The following COL25A1 variants were observed in gnomAD, a reference collection of about 807,000 sequenced individuals.
COL25A1 encodes the protein collagen alpha-1(XXV) chain.
COL25A1 carries 103 observed loss-of-function variants against 128.4 expected under a neutral mutation model. The observed-to-expected ratio is 0.80, with a 90% CI of 0.68 to 0.94. The LOEUF (loss-of-function observed/expected upper bound fraction) is 0.94. COL25A1 is among the 40% of genes least tolerant of loss of function. The probability of loss-of-function intolerance (pLI) is 0.00; values close to 1 mark genes in which losing one functional copy is unlikely to be tolerated. For missense variants in COL25A1, 745 were observed against 840.0 expected (o/e 0.89, Z 1.40); for synonymous variants, 279 against 277.2 (o/e 1.01, Z -0.06).
chr4:108,839,358 G>A (rs1158199454), intron 31 of COL25A1, among the ~76,000 whole-genome samples: 1 of 152,138 alleles, frequency 6.6e-6, no homozygotes, highest in Non-Finnish European at 1.5e-5. Context: ...CACTGGCATG[G>A]CATAAAAAGT....
At chr4:108,870,453 A>G (rs1010077526) in intron 19 of COL25A1, among the ~76,000 whole-genome samples, 1 of 152,002 alleles carries the variant, frequency 6.6e-6, no homozygotes, top group Non-Finnish European at 1.5e-5. Context: ...CTAAGAAAAA[A>G]AAAAAAAAGG....
At position 108,970,642 on chromosome 4, in the gene COL25A1, G is replaced by T. The variant is rs373856720; in HGVS notation, c.492+3725C>A. Among the ~76,000 whole-genome samples, 52 of 152,212 alleles carry T rather than the reference G, an allele frequency of 3.4e-4. No individual in the cohort carries two copies. In the East Asian group the frequency reaches 7.9e-3, roughly 23 times the overall value. On this transcript the variant is annotated intron_variant, in intron 8 of 37. Coordinates refer to ENST00000399132, the MANE Select transcript of COL25A1 (RefSeq NM_198721.4). ...ACTGTGGTCACGTTGCTGTACAGTA[G>T]ATCTGTTGAACTTATTCCTCTTATC...
chr4:109,263,368 T>C (rs951817143), intron 3 of COL25A1, among the ~76,000 whole-genome samples: 3 of 151,940 alleles, frequency 2.0e-5, no homozygotes, highest in Non-Finnish European at 4.4e-5. Context: ...CTTCAAATAC[T>C]AGTAAGAAAA....
chr4:108,873,400 T>C (rs902621839), intron 19 of COL25A1, among the ~76,000 whole-genome samples: 7 of 152,156 alleles, frequency 4.6e-5, no homozygotes, highest in African/African-American at 1.4e-4. Flanking sequence ...GTGGCTTAGT[T>C]AAGACTTACC....
At chr4:108,876,378 T>C (rs1739455614) in intron 19 of COL25A1, among the ~76,000 whole-genome samples, 1 of 151,986 alleles carries the variant, frequency 6.6e-6, no homozygotes, top group South Asian at 2.1e-4. Flanking sequence ...TTAAAAATGT[T>C]CTCCTCCTTT....
chr4:109,040,709 T>C (rs1283747929), intron 5 of COL25A1, among the ~76,000 whole-genome samples: 2 of 152,168 alleles, frequency 1.3e-5, no homozygotes, highest in African/African-American at 4.8e-5. Context: ...AGCAGTGACA[T>C]GACACTCTAT....
intron 13 of COL25A1, among the ~76,000 whole-genome samples, chr4:108,913,261 C>CTTGTTTTT (rs1744455729): frequency 1.1e-5 from 1 of 92,396 alleles, no homozygotes; most frequent in Non-Finnish European, 2.1e-5. Flanking sequence ...TCTCTAGCTC[C>CTTGTTTTT]TTTTTTTTTT....
At chr4:108,929,014 T>C (rs1746415149) in intron 11 of COL25A1, among the ~76,000 whole-genome samples, 2 of 152,242 alleles carry the variant, frequency 1.3e-5, no homozygotes, top group South Asian at 4.1e-4. Context: ...TCTGATGCTG[T>C]TCTGTGAAAT....
intron 3 of COL25A1, among the ~76,000 whole-genome samples, chr4:109,124,795 T>C (rs1306957195): frequency 1.3e-5 from 2 of 151,992 alleles, no homozygotes; most frequent in Non-Finnish European, 2.9e-5. Context: ...TAATTCATTC[T>C]TAAAAAAATC....
chr4:108,972,544 A>G (rs1293093390), intron 8 of COL25A1, among the ~76,000 whole-genome samples: 3 of 152,352 alleles, frequency 2.0e-5, no homozygotes, highest in East Asian at 3.9e-4. Context: ...CAGGCAAGTC[A>G]GTGGGTTCTC....
chr4:108,937,686 T>C (rs1186000493), intron 11 of COL25A1, 122 bp downstream of exon 11: 2 of 740,282 alleles, frequency 2.7e-6, no homozygotes, highest in African/African-American at 1.8e-5. Flanking sequence ...CTTTTAACTT[T>C]TACTAATTTT....
intron 19 of COL25A1, among the ~76,000 whole-genome samples, chr4:108,879,596 C>T (rs897692806): frequency 2.0e-5 from 3 of 151,388 alleles, no homozygotes; most frequent in Non-Finnish European, 2.9e-5. Flanking sequence ...TACAGGCATG[C>T]GCCACCACAC....
intron 3 of COL25A1, among the ~76,000 whole-genome samples, chr4:109,136,112 A>T (rs1056205424): frequency 3.9e-5 from 6 of 152,188 alleles, no homozygotes; most frequent in African/African-American, 1.4e-4. Context: ...TTAAAATAAT[A>T]ATAGGCCAGG....
chr4:108,866,211 T>C (rs75396447), intron 20 of COL25A1, among the ~76,000 whole-genome samples: 2 of 151,302 alleles, frequency 1.3e-5, no homozygotes, highest in African/African-American at 2.4e-5. Context: ...TTTTTTTTTT[T>C]TTTTGAGGTC....
At chr4:109,001,301 T>C (rs1755337507) in intron 6 of COL25A1, among the ~76,000 whole-genome samples, 1 of 23,092 alleles carries the variant, frequency 4.3e-5, no homozygotes, top group Admixed American at 6.8e-4. Context: ...CCTGCAGCAA[T>C]GAGTGGCCAG....
At chr4:109,106,325 C>T (rs1016486002) in intron 3 of COL25A1, among the ~76,000 whole-genome samples, 1 of 152,122 alleles carries the variant, frequency 6.6e-6, no homozygotes, top group Non-Finnish European at 1.5e-5. Flanking sequence ...GTCAACTTTC[C>T]CACCAACTAC....
rs372536181 is a variant in COL25A1, at chr4:108,844,006, C to T, written c.1629+513G>A. Among the ~76,000 whole-genome samples, 27 of 152,260 alleles carry T rather than the reference C, an allele frequency of 1.8e-4. 2 individuals carry two copies. Among genetic ancestry groups the T allele is most frequent in the East Asian group, 1.7e-3 (9 of 5,180 alleles). On this transcript the variant is annotated intron_variant, in intron 30 of 37. Transcript: ENST00000399132. ...TCAGCCTCCCTGGGCTCAGGCAATC[C>T]TCCCACCTCAGCCTCCTGAGTAGCT...
intron 3 of COL25A1, among the ~76,000 whole-genome samples, chr4:109,070,611 T>C (rs1013675514): frequency 2.6e-5 from 4 of 152,062 alleles, no homozygotes; most frequent in East Asian, 3.9e-4. Flanking sequence ...TATGTATACA[T>C]GTGCCATGTT....
chr4:108,846,376 A>G (rs1315969975), intron 27 of COL25A1, among the ~76,000 whole-genome samples, 157 bp from the exon 28 acceptor site: 1 of 152,228 alleles, frequency 6.6e-6, no homozygotes, highest in African/African-American at 2.4e-5. Flanking sequence ...TTCTTACAGC[A>G]ACCTTCTACA....
Sources: allele counts gnomAD v4.1 joint callset (sites outside exome capture counted in the v4.1 genomes callset), GRCh38; gene constraint gnomAD v4.1.1; transcripts MANE v1.5; gene names NCBI Gene and HGNC (gene_info 2026-07-23, HGNC 2026-07-21).